CHD5: variants seen among roughly 807,000 people sequenced by gnomAD.
CHD5 encodes chromodomain helicase DNA binding protein 5, also known as ATP-dependent chromatin remodeler CHD5.
A neutral mutation model predicts 230.3 loss-of-function variants in CHD5; 69 were observed. The ratio of observed to expected loss-of-function variants is 0.30; its 90% CI spans 0.25 to 0.37. The LOEUF is 0.37. Among genes scored for constraint, CHD5 ranks in the 10% least tolerant of loss-of-function variants. The pLI, the probability that CHD5 is intolerant of heterozygous loss-of-function variation, is 1.00. For missense variants in CHD5, 1,827 were observed against 2,622.8 expected, an observed-to-expected ratio of 0.70 and a Z score of 6.63; for synonymous variants, 1,064 against 1,065.9, an observed-to-expected ratio of 1.00 and a Z score of 0.03.
rs148297777 is a variant in CHD5, at chr1:6,142,558, G to A, written c.2091C>T (p.Gly697=). 3.2e-5 allele frequency: 52 copies of A among 1,613,984 alleles called. No homozygotes were observed. The highest frequency in any genetic ancestry group is 8.3e-5 in the Admixed American group (5 of 60,030). The change falls in exon 14 of 42, where the codon GGC becomes GGT. Residue 697 remains glycine, a synonymous_variant. Transcript: ENST00000262450. The surrounding 1 kb of genome is among the most constrained non-coding windows in gnomAD (Gnocchi z 5.2). The part of the protein sequence containing the change: ...DKQPWYIDST[G]GTLHPYQLEG... The stretch of plus-strand genomic sequence containing the variant: ...CCAGCTGGTACGGGTGCAGTGTGCC[G>A]CCTGTGGAGTCGATGTACCATGGCT...
At position 6,167,579 on chromosome 1, in the gene CHD5, G is replaced by C. The variant is rs1485966110; in HGVS notation, c.207+571C>G. On this transcript the variant is annotated intron_variant, in intron 2 of 41. Coordinates refer to ENST00000262450, the MANE Select transcript of CHD5 (RefSeq NM_015557.3). This position sits in a 1 kb window ranked among gnomAD's most constrained non-coding sequence, Gnocchi z 4.5. ...ATCAAGTGAGCCCGCGTGAAGCACA[G>C]AGAAGCACACTCGGAATGTGTCAGC... Among the ~76,000 whole-genome samples, 1 of 152,182 alleles carries C rather than the reference G, an allele frequency of 6.6e-6. No homozygotes were observed.
In CHD5 at chr1:6,146,193, G is replaced by A. The variant is rs746398624; in HGVS notation, c.1802+19C>T. On this transcript the variant is annotated intron_variant, in intron 11 of 41. Transcript: ENST00000262450. This position sits in a 1 kb window ranked among gnomAD's most constrained non-coding sequence, Gnocchi z 5.1. ...CCCGGCCCCAGCGATGGGCAGGGTG[G>A]CCGCCTGCAGGCACACACCTATGGT... 2 of 1,609,888 alleles carry A rather than the reference G, an allele frequency of 1.2e-6. No individual in the cohort carries two copies. Among genetic ancestry groups the A allele is most frequent in the Non-Finnish European group, 1.7e-6 (2 of 1,176,882 alleles).
chr1:6,125,064 G>A lies in CHD5; in HGVS notation c.4394+36C>T. On this transcript the variant is annotated intron_variant, in intron 29 of 41. Coordinates refer to ENST00000262450, the MANE Select transcript of CHD5 (RefSeq NM_015557.3). The surrounding 1 kb of genome is among the most constrained non-coding windows in gnomAD (Gnocchi z 6.7). ...AGGACCCTGCCCTACTCAGGGGCAG[G>A]TGGTCACACCCTGGGCCACCACCTA... 1 of 1,521,294 alleles carries A rather than the reference G, an allele frequency of 6.6e-7. No individual in the cohort carries two copies. The allele number at this position is 1,521,294 out of a possible 1,614,324, so 94.2% of individuals were successfully genotyped here.
intron 34 of CHD5, 47 bp from the exon 35 acceptor site, chr1:6,112,324 G>C: frequency 6.2e-7 from 1 of 1,601,372 alleles, no homozygotes; most frequent in Non-Finnish European, 8.5e-7. Flanking sequence ...CCAAAAAGCA[G>C]TGCCCAGCGG....
chr1:6,110,124 C>A (rs1044853802), intron 37 of CHD5, 134 bp from the exon 38 acceptor site: 4 of 983,382 alleles, frequency 4.1e-6, no homozygotes, highest in African/African-American at 3.3e-5. Context: ...CTGCTGCCCA[C>A]CCTGGCCTGG....
intron 1 of CHD5, among the ~76,000 whole-genome samples, chr1:6,175,108 A>G (rs961762900): frequency 1.3e-5 from 2 of 148,688 alleles, no homozygotes; most frequent in Non-Finnish European, 3.0e-5. Flanking sequence ...TGGATGGTGG[A>G]TTGATGAATA....
chr1:6,110,526 C>T lies in CHD5; in HGVS notation c.5250G>A (p.Thr1750=), dbSNP rs745603309. 1 of 1,613,594 alleles carries T rather than the reference C, an allele frequency of 6.2e-7. No individual in the cohort carries two copies. Among genetic ancestry groups the T allele is most frequent in the South Asian group, 1.1e-5 (1 of 91,074 alleles). The change falls in exon 37 of 42, where the codon ACG becomes ACA. Residue 1750 remains threonine, a splice_region_variant and synonymous_variant. Coordinates refer to ENST00000262450, the MANE Select transcript of CHD5 (RefSeq NM_015557.3). The part of the protein sequence containing the change: ...HDYWLLAGIV[T]HGYARWQDIQ... ...TGTCCTGCCAGCGGGCGTAGCCGTG[C>T]CTGGGTGGGGCACCATTAAGGGCAA...
intron 11 of CHD5, among the ~76,000 whole-genome samples, chr1:6,144,577 T>C (rs376076995): frequency 1.3e-5 from 2 of 152,244 alleles, no homozygotes; most frequent in Non-Finnish European, 2.9e-5. Context: ...AGTGCCCACG[T>C]AGGGTGAGGA....
chr1:6,123,571 C>T (rs368267978), intron 31 of CHD5, among the ~76,000 whole-genome samples: 1 of 152,042 alleles, frequency 6.6e-6, no homozygotes, highest in Non-Finnish European at 1.5e-5. Context: ...GGATTACAGG[C>T]ACGTGCCACC....
intron 38 of CHD5, among the ~76,000 whole-genome samples, chr1:6,109,219 T>C (rs1666245483): frequency 6.6e-6 from 1 of 152,076 alleles, no homozygotes; most frequent in Admixed American, 6.5e-5. Flanking sequence ...CCCCAGGCCC[T>C]ACTGGGCACA....
Position 6,121,446 on chromosome 1 carries a change from C to A in CHD5, c.4779+48G>T. ...GGCCTGAGAAGGTCCCCAGACCCAACCTCCACCCCACACACACCACAGGCC... is the reference window on the plus strand; with the variant it reads ...GGCCTGAGAAGGTCCCCAGACCCAAACTCCACCCCACACACACCACAGGCC... On this transcript the variant is annotated intron_variant, in intron 32 of 41. Coordinates refer to ENST00000262450, the MANE Select transcript of CHD5 (RefSeq NM_015557.3). The surrounding 1 kb of genome is among the most constrained non-coding windows in gnomAD (Gnocchi z 4.5). 1 of 1,559,370 alleles carries A rather than the reference C, an allele frequency of 6.4e-7. No individual in the cohort carries two copies. The highest frequency in any genetic ancestry group is 1.3e-5 in the African/African-American group (1 of 74,084).
chr1:6,144,138 T>C lies in CHD5; in HGVS notation c.1820A>G (p.Asp607Gly). Residue 607 changes from aspartate to glycine, a missense_variant, in exon 12 of 42, where the codon GAT (aspartate) becomes GGT (glycine). By Grantham distance (94) the Asp-to-Gly change is moderately conservative. Transcript: ENST00000262450. ...ILNHSFDKKG[D>G]VHYLIKWKDL... The stretch of plus-strand genomic sequence containing the variant: ...TTTCCACTTGATCAGGTAGTGCACA[T>C]CCCCCTTCTTGTCAAAGCTGCAACA... 5.0e-6 allele frequency: 8 copies of C among 1,614,066 alleles called. No homozygotes were observed. The highest frequency in any genetic ancestry group is 5.9e-6 in the Non-Finnish European group (7 of 1,180,006).
Position 6,125,933 on chromosome 1 carries a change from G to A in CHD5, c.4079-75C>T, listed in dbSNP as rs1422623602. ...CCACCCTCAAGTTCAAGCATGCCCA[G>A]GGCCACGCCGAGCCCCTGCACCCCA... On this transcript the variant is annotated intron_variant, in intron 26 of 41. Coordinates refer to ENST00000262450, the MANE Select transcript of CHD5 (RefSeq NM_015557.3). This position sits in a 1 kb window ranked among gnomAD's most constrained non-coding sequence, Gnocchi z 6.7. 3 of 1,110,072 alleles carry A rather than the reference G, an allele frequency of 2.7e-6. No homozygotes were observed. In the East Asian group the frequency reaches 7.1e-5, roughly 26 times the overall value. The allele number at this position is 1,110,072 out of a possible 1,614,324, so 68.8% of individuals were successfully genotyped here.
At chr1:6,144,632 G>A (rs1666881977) in intron 11 of CHD5, among the ~76,000 whole-genome samples, 1 of 152,328 alleles carries the variant, frequency 6.6e-6, no homozygotes, top group African/African-American at 2.4e-5. Context: ...TGCGTGTGAG[G>A]TGGTCTCTTC....
At chr1:6,110,287 G>T in intron 37 of CHD5, 107 bp downstream of exon 37, 1 of 1,319,898 alleles carries the variant, frequency 7.6e-7, no homozygotes, top group Non-Finnish European at 1.1e-6. Flanking sequence ...GCGTGACCCA[G>T]GTACACGGGG....
intron 17 of CHD5, among the ~76,000 whole-genome samples, chr1:6,136,100 G>A (rs1233793215): frequency 6.6e-6 from 1 of 152,134 alleles, no homozygotes; most frequent in Non-Finnish European, 1.5e-5. Flanking sequence ...TTCTGAGCAG[G>A]CAAGTGGAGG....
chr1:6,170,227 G>C lies in CHD5; in HGVS notation c.80-1950C>G, dbSNP rs568987231. On this transcript the variant is annotated intron_variant, in intron 1 of 41. Transcript: ENST00000262450. ...GTGGCCCACACGCTCAGACACACTCGCCACATGCAGACGCACAGACATGCA... is the reference window on the plus strand; with the variant it reads ...GTGGCCCACACGCTCAGACACACTCCCCACATGCAGACGCACAGACATGCA... Among the ~76,000 whole-genome samples the C allele has an allele frequency of 1.1e-4, 16 of 152,116 alleles. No individual in the cohort carries two copies. The East Asian group carries it at 3.1e-3, about 30-fold the overall frequency.
chr1:6,164,944 C>T (rs1667229652), intron 2 of CHD5, among the ~76,000 whole-genome samples: 2 of 152,002 alleles, frequency 1.3e-5, no homozygotes, highest in South Asian at 2.1e-4. Flanking sequence ...GAGGAGATGC[C>T]GAGAGGTTAC....
At chr1:6,172,045 C>G (rs577229738) in intron 1 of CHD5, among the ~76,000 whole-genome samples, 2 of 152,236 alleles carry the variant, frequency 1.3e-5, no homozygotes, top group African/African-American at 4.8e-5. Context: ...GGAGAGGCAC[C>G]TTCTGCTGCT....
Sources: allele counts gnomAD v4.1 joint callset (sites outside exome capture counted in the v4.1 genomes callset), GRCh38; gene constraint gnomAD v4.1.1; non-coding constraint Gnocchi (gnomAD v3.1); transcripts MANE v1.5; gene names NCBI Gene and HGNC (gene_info 2026-07-23, HGNC 2026-07-21).